Variants in ARHGAP29 observed in about 807,000 individuals in gnomAD.
ARHGAP29 encodes Rho GTPase activating protein 29.
In ARHGAP29, 43 loss-of-function variants were observed where a neutral mutation model predicts 122.6. That is an observed-to-expected ratio of 0.35 (90% confidence interval 0.27 to 0.45). ARHGAP29 has a LOEUF of 0.45. Among genes scored for constraint, ARHGAP29 ranks in the 20% least tolerant of loss-of-function variants. The probability of loss-of-function intolerance (pLI) is 1.00; values close to 1 mark genes in which losing one functional copy is unlikely to be tolerated. For synonymous variants in ARHGAP29, 506 were observed against 497.1 expected (o/e 1.02, Z -0.24); for missense variants, 1,303 against 1,477.2 (o/e 0.88, Z 1.93).
At chr1:94,187,259 T>C (rs1649865568) in intron 15 of ARHGAP29, among the ~76,000 whole-genome samples, 1 of 152,208 alleles carries the variant, frequency 6.6e-6, no homozygotes, top group South Asian at 2.1e-4. Flanking sequence ...TATATCTAAG[T>C]GGAAGAATTC....
chr1:94,290,822 T>C, the ARHGAP29 span, among the ~76,000 whole-genome samples: 91 of 152,338 alleles, frequency 6.0e-4, no homozygotes, highest in Admixed American at 7.2e-4. Context: ...TTACATTTGC[T>C]GAGGAGTGTT....
Position 94,231,369 on chromosome 1 carries a change from A to C in ARHGAP29, c.205+38T>G, listed in dbSNP as rs773810346. Reference sequence around the variant, plus strand: ...CTAGGCCAGCATTTAAAATTTTACAAACTATCCAGCAAGAATGCTAATAGA... The same window carrying C: ...CTAGGCCAGCATTTAAAATTTTACACACTATCCAGCAAGAATGCTAATAGA... On this transcript the variant is annotated intron_variant, in intron 2 of 22. Coordinates refer to ENST00000260526, the MANE Select transcript of ARHGAP29 (RefSeq NM_004815.4). The C allele has an allele frequency of 1.1e-5, 17 of 1,566,284 alleles. No homozygotes were observed. The East Asian group carries it at 3.4e-4, about 31-fold the overall frequency.
chr1:94,174,713 G>A lies in ARHGAP29; in HGVS notation c.2942C>T (p.Ser981Leu), dbSNP rs372970494. 4 of 1,614,014 alleles carry A rather than the reference G, an allele frequency of 2.5e-6. No individual in the cohort carries two copies. The highest frequency in any genetic ancestry group is 3.4e-6 in the Non-Finnish European group (4 of 1,180,006). The part of the protein sequence containing the change: ...AQLLLDQEAE[S>L]ASQKIEDGKT... ...ACCATCTTCTATCTTTTGGGATGCT[G>A]ATTCAGCCTCTTGGTCTAGAAGCAA... The change falls in exon 23 of 23, where the codon TCA becomes TTA. Residue 981 changes from serine (S) to leucine (L), a missense_variant. Transcript: ENST00000260526.
At chr1:94,238,063 T>A (rs1048200945), upstream of ARHGAP29, among the ~76,000 whole-genome samples, 20 of 137,210 alleles carry the variant, frequency 1.5e-4, no homozygotes, top group Non-Finnish European at 3.0e-4. Flanking sequence ...ATTTTTTTTT[T>A]TTTTTTTTTT....
At chr1:94,304,233 A>G in the ARHGAP29 span, among the ~76,000 whole-genome samples, 3 of 152,340 alleles carry the variant, frequency 2.0e-5, no homozygotes, top group Admixed American at 6.5e-5. Flanking sequence ...TCCACTTCCC[A>G]GGCTAAAGCT....
At chr1:94,224,874 T>C (rs1652522869) in intron 2 of ARHGAP29, among the ~76,000 whole-genome samples, 1 of 152,156 alleles carries the variant, frequency 6.6e-6, no homozygotes, top group Non-Finnish European at 1.5e-5. Context: ...CCAACTAACA[T>C]ACTAAAAAAA....
At chr1:94,270,873 C>A (rs1286807189) in intron 1 of ARHGAP29, among the ~76,000 whole-genome samples, 1 of 152,204 alleles carries the variant, frequency 6.6e-6, no homozygotes, top group Non-Finnish European at 1.5e-5. Context: ...CAGAGAATGG[C>A]CCCAAATGGG....
At chr1:94,215,266 A>G (rs1651892137) in intron 3 of ARHGAP29, among the ~76,000 whole-genome samples, 1 of 151,832 alleles carries the variant, frequency 6.6e-6, no homozygotes, top group African/African-American at 2.4e-5. Context: ...CTAAATATGT[A>G]TATTTTCCTT....
At chr1:94,224,100 T>C (rs1416045006) in intron 2 of ARHGAP29, among the ~76,000 whole-genome samples, 1 of 152,208 alleles carries the variant, frequency 6.6e-6, no homozygotes, top group African/African-American at 2.4e-5. Context: ...TTAGCCACCA[T>C]GCCTGGCTTA....
In ARHGAP29 at chr1:94,185,651, T is replaced by C. The variant is rs552600489; in HGVS notation, c.1781-170A>G. Reference sequence around the variant, plus strand: ...GCATCCAATTTATAGGTCTAATTTATAGATCTCTTAAAAGGCACATTTATG... The same window carrying C: ...GCATCCAATTTATAGGTCTAATTTACAGATCTCTTAAAAGGCACATTTATG... On this transcript the variant is annotated intron_variant, in intron 16 of 22. Coordinates refer to ENST00000260526, the MANE Select transcript of ARHGAP29 (RefSeq NM_004815.4). Among the ~76,000 whole-genome samples, 79 of 152,364 alleles carry C rather than the reference T, an allele frequency of 5.2e-4. 1 individual carries two copies. Among genetic ancestry groups the C allele is most frequent in the Admixed American group, 5.1e-3 (78 of 15,300 alleles).
chr1:94,237,434 T>C lies in ARHGAP29; in HGVS notation c.-52A>G, dbSNP rs1336425709. On this transcript the variant is annotated 5_prime_UTR_variant, in exon 1 of 23. Coordinates refer to ENST00000260526, the MANE Select transcript of ARHGAP29 (RefSeq NM_004815.4). ...ACTCACCACGGCGCTCCATCTCGCG[T>C]GCCGGACGCGGACGCCCGCCCCACA... is the stretch of plus-strand genomic sequence containing the variant. 3.0e-6 allele frequency: 3 copies of C among 986,706 alleles called. No individual in the cohort carries two copies. The highest frequency in any genetic ancestry group is 1.7e-5 in the African/African-American group (1 of 57,192). 61.1% of individuals were successfully genotyped at this position (986,706 alleles called of 1,614,324 possible).
chr1:94,203,147 G>A lies in ARHGAP29; in HGVS notation c.826C>T (p.Leu276Phe), dbSNP rs199617870. Residue 276 changes from leucine to phenylalanine, a missense_variant, in exon 9 of 23, where the codon CTT (leucine) becomes TTT (phenylalanine). By Grantham distance (22) the Leu-to-Phe change is conservative. This residue lies in a region of ARHGAP29 where 592 missense variants were observed against 648.2 expected (regional missense o/e 0.91). Coordinates refer to ENST00000260526, the MANE Select transcript of ARHGAP29 (RefSeq NM_004815.4). ...ALLNDIESSHLLQQTIAALQA... is the reference protein window; with the variant it reads ...ALLNDIESSHFLQQTIAALQA... ...AGAGCTGCAATTGTTTGTTGTAAAA[G>A]GTGACTGCTTTCTATATCATTAAGA... 2.5e-6 allele frequency: 4 copies of A among 1,613,574 alleles called. No individual in the cohort carries two copies. The East Asian group carries it at 8.9e-5, about 36-fold the overall frequency.
At chr1:94,276,595 A>G (rs1461901599), upstream of ARHGAP29, among the ~76,000 whole-genome samples, 1 of 151,820 alleles carries the variant, frequency 6.6e-6, no homozygotes, top group Non-Finnish European at 1.5e-5. Flanking sequence ...AGCCTGGGCA[A>G]CATGGCAAAA....
At chr1:94,294,818 A>C in the ARHGAP29 span, among the ~76,000 whole-genome samples, 1 of 152,244 alleles carries the variant, frequency 6.6e-6, no homozygotes, top group Non-Finnish European at 1.5e-5. Flanking sequence ...GGGAGAAAAT[A>C]ATATTATCCT....
Position 94,224,151 on chromosome 1 carries a change from C to T in ARHGAP29, c.206-3759G>A, listed in dbSNP as rs142088131. ...GTGCTATTTTTTCCCCAGTTTTGTA[C>T]AGCCAGATCTCTTATTTGGCACATA... On this transcript the variant is annotated intron_variant, in intron 2 of 22. Transcript: ENST00000260526. Among the ~76,000 whole-genome samples, 14 of 152,260 alleles carry T rather than the reference C, an allele frequency of 9.2e-5. No individual in the cohort carries two copies. The East Asian group carries it at 2.7e-3, about 29-fold the overall frequency.
the ARHGAP29 span, among the ~76,000 whole-genome samples, chr1:94,282,186 T>A: frequency 1.1e-4 from 16 of 151,204 alleles, no homozygotes; most frequent in African/African-American, 2.2e-4. Flanking sequence ...TTGTCTTTTT[T>A]AAAAAAAAAG....
At chr1:94,270,526 C>G (rs1654948381) in intron 1 of ARHGAP29, among the ~76,000 whole-genome samples, 1 of 152,294 alleles carries the variant, frequency 6.6e-6, no homozygotes, top group Non-Finnish European at 1.5e-5. Context: ...AAAGATGAAA[C>G]TGGTACATTC....
intron 1 of ARHGAP29, among the ~76,000 whole-genome samples, chr1:94,232,999 C>T (rs1653018933): frequency 6.7e-6 from 1 of 150,274 alleles, no homozygotes; most frequent in Admixed American, 6.6e-5. Flanking sequence ...GGTTGGAGTG[C>T]AGTGGTGTGA....
the ARHGAP29 span, among the ~76,000 whole-genome samples, chr1:94,291,693 T>C: frequency 7.2e-5 from 11 of 152,340 alleles, no homozygotes; most frequent in Admixed American, 3.9e-4. Flanking sequence ...AAGGATTTTC[T>C]TTCTCCTTCA....
Sources: gnomAD v4.1 joint callset for allele counts (sites outside exome capture counted in the v4.1 genomes callset) on GRCh38, gnomAD v4.1.1 for gene constraint, gnomAD v4.1.1 regional missense constraint, MANE v1.5 for transcripts, NCBI Gene and HGNC (gene_info 2026-07-23, HGNC 2026-07-21) for gene names.